TBC1D19: variants seen among roughly 807,000 people sequenced by gnomAD.
TBC1D19 encodes TBC1 domain family, member 19.
In TBC1D19, 60 loss-of-function variants were observed where a neutral mutation model predicts 89.0. The observed-to-expected ratio is 0.67, with a 90% CI of 0.55 to 0.84. The LOEUF is 0.84. Ranked by LOEUF, TBC1D19 falls within the 40% of genes least tolerant of loss-of-function variation. TBC1D19 has a pLI of 0.00. For synonymous variants in TBC1D19, 189 were observed against 199.7 expected, an observed-to-expected ratio of 0.95 and a Z score of 0.45; for missense variants, 500 against 610.8, an observed-to-expected ratio of 0.82 and a Z score of 1.91.
At chr4:26,789,955 A>G in the TBC1D19 span, among the ~76,000 whole-genome samples, 1 of 152,226 alleles carries the variant, frequency 6.6e-6, no homozygotes, top group Non-Finnish European at 1.5e-5. Flanking sequence ...TAAATATTGC[A>G]TGTTCTCATT....
chr4:26,680,404 T>A (rs1188571982), intron 11 of TBC1D19, among the ~76,000 whole-genome samples: 1 of 152,152 alleles, frequency 6.6e-6, no homozygotes, highest in Non-Finnish European at 1.5e-5. Flanking sequence ...CTCTACTCAC[T>A]CCTTCTCATA....
chr4:26,786,593 G>T, the TBC1D19 span, among the ~76,000 whole-genome samples: 3 of 152,196 alleles, frequency 2.0e-5, no homozygotes, highest in Non-Finnish European at 4.4e-5. Flanking sequence ...TCGGGGGGTG[G>T]TGCTGCAAAC....
intron 7 of TBC1D19, among the ~76,000 whole-genome samples, chr4:26,640,787 C>T (rs567777420): frequency 1.7e-3 from 252 of 152,306 alleles, no homozygotes; most frequent in Middle Eastern, 0.01. Flanking sequence ...CCCATGCCCA[C>T]AGACCCTTGC....
chr4:26,713,564 T>C (rs1049114099), intron 13 of TBC1D19, among the ~76,000 whole-genome samples: 1 of 152,064 alleles, frequency 6.6e-6, no homozygotes, highest in African/African-American at 2.4e-5. Context: ...TATTGTTAAC[T>C]ATAGTTATTT....
the TBC1D19 span, among the ~76,000 whole-genome samples, chr4:26,846,592 TG>T: frequency 3.9e-5 from 6 of 152,212 alleles, no homozygotes; most frequent in Admixed American, 3.9e-4. Flanking sequence ...TTCATTTTAA[TG>T]GAGTCAAATT....
chr4:26,647,483 T>G (rs1744056163), intron 7 of TBC1D19, among the ~76,000 whole-genome samples: 1 of 152,226 alleles, frequency 6.6e-6, no homozygotes, highest in Non-Finnish European at 1.5e-5. Flanking sequence ...GCTTCCCAAC[T>G]GGTCTTCCTA....
At chr4:26,583,925 T>C (rs144024159), upstream of TBC1D19, 85 of 472,712 alleles carry the variant, frequency 1.8e-4, no homozygotes, top group Non-Finnish European at 2.9e-4. Context: ...CTTTCAACCA[T>C]AGACAAGGCA....
the TBC1D19 span, among the ~76,000 whole-genome samples, chr4:26,766,675 C>T: frequency 1.3e-5 from 2 of 152,080 alleles, no homozygotes; most frequent in African/African-American, 4.8e-5. Flanking sequence ...TCACAATATA[C>T]CCATATTTTT....
At chr4:26,790,090 C>T in the TBC1D19 span, among the ~76,000 whole-genome samples, 1 of 152,156 alleles carries the variant, frequency 6.6e-6, no homozygotes. Flanking sequence ...ACAATGTAAA[C>T]TATTCAGGTG....
intron 8 of TBC1D19, among the ~76,000 whole-genome samples, chr4:26,663,300 C>T (rs1745325149): frequency 6.6e-6 from 1 of 152,124 alleles, no homozygotes; most frequent in Non-Finnish European, 1.5e-5. Context: ...TACATAGTCA[C>T]AATAATGCAA....
At chr4:26,645,066 A>G (rs1743822164) in intron 7 of TBC1D19, among the ~76,000 whole-genome samples, 1 of 152,226 alleles carries the variant, frequency 6.6e-6, no homozygotes, top group South Asian at 2.1e-4. Flanking sequence ...AATCGTGAAA[A>G]TGGCCATACT....
At chr4:26,587,053 T>C (rs1437821878) in intron 1 of TBC1D19, among the ~76,000 whole-genome samples, 1 of 152,210 alleles carries the variant, frequency 6.6e-6, no homozygotes, top group Admixed American at 6.5e-5. Flanking sequence ...AGTTTTATCA[T>C]GAATGGATGT....
At chr4:26,799,589 T>A in the TBC1D19 span, among the ~76,000 whole-genome samples, 1 of 152,154 alleles carries the variant, frequency 6.6e-6, no homozygotes, top group Non-Finnish European at 1.5e-5. Flanking sequence ...TGGGAGGTGA[T>A]CAGGTTATAA....
At chr4:26,695,355 T>C (rs1227027384) in intron 13 of TBC1D19, among the ~76,000 whole-genome samples, 3 of 152,122 alleles carry the variant, frequency 2.0e-5, no homozygotes, top group Non-Finnish European at 4.4e-5. Context: ...AATATGGGAC[T>C]GTGTGAAAAG....
chr4:26,657,027 C>CTCCTTCTCCTTCTCCTTT, intron 7 of TBC1D19, among the ~76,000 whole-genome samples: 1 of 114,948 alleles, frequency 8.7e-6, no homozygotes, highest in Non-Finnish European at 1.9e-5. Context: ...CCTTCTCCTT[C>CTCCTTCTCCTTCTCCTTT]TCCTTCTCTC....
Position 26,638,798 on chromosome 4 carries a change from C to G in TBC1D19, c.397C>G (p.Leu133Val), listed in dbSNP as rs1340558698. 1 of 1,611,180 alleles carries G rather than the reference C, an allele frequency of 6.2e-7. No individual in the cohort carries two copies. Among genetic ancestry groups the G allele is most frequent in the Non-Finnish European group, 8.5e-7 (1 of 1,179,210 alleles). Residue 133 changes from leucine (L) to valine (V), a missense_variant, in exon 6 of 21, where the codon CTT becomes GTT. By Grantham distance (32) the Leu-to-Val change is conservative. Transcript: ENST00000264866. ...GCCAGTTGGAGAACAGAAAGAACTT[C>G]TTAATAAATGGAATGAAATGGGAAC... ...KRPVGEQKEL[L>V]NKWNEMGTDE...
chr4:26,749,426 A>G (rs543495923), intron 19 of TBC1D19, among the ~76,000 whole-genome samples: 8 of 149,682 alleles, frequency 5.3e-5, no homozygotes, highest in Admixed American at 2.7e-4. Flanking sequence ...TTCTCTAGGT[A>G]TCATATTAAC....
chr4:26,818,936 A>G, the TBC1D19 span, among the ~76,000 whole-genome samples: 4 of 152,228 alleles, frequency 2.6e-5, no homozygotes, highest in Non-Finnish European at 5.9e-5. Context: ...GGAAAAATGC[A>G]TCCTTCCTAA....
At chr4:26,654,457 C>A (rs1322017553) in intron 7 of TBC1D19, among the ~76,000 whole-genome samples, 1 of 152,178 alleles carries the variant, frequency 6.6e-6, no homozygotes, top group Non-Finnish European at 1.5e-5. Context: ...TGGATAATAT[C>A]CTGCAGAGTG....
Sources: gnomAD v4.1 joint callset for allele counts (sites outside exome capture counted in the v4.1 genomes callset) on GRCh38, gnomAD v4.1.1 for gene constraint, MANE v1.5 for transcripts, NCBI Gene and HGNC (gene_info 2026-07-23, HGNC 2026-07-21) for gene names.